Variants in PDE4D observed in about 807,000 individuals in gnomAD.
The protein encoded by PDE4D is phosphodiesterase 4D.
A neutral mutation model predicts 87.4 loss-of-function variants in PDE4D; 24 were observed. That is an observed-to-expected ratio of 0.27 (90% confidence interval 0.20 to 0.39). The LOEUF (loss-of-function observed/expected upper bound fraction) is 0.39. PDE4D is among the 10% of genes least tolerant of loss of function. PDE4D has a pLI of 1.00. For synonymous variants in PDE4D, 384 were observed against 383.2 expected, an observed-to-expected ratio of 1.00 and a Z score of -0.02; for missense variants, 714 against 1,041.0, an observed-to-expected ratio of 0.69 and a Z score of 4.32.
chr5:60,094,679 G>T (rs1443365010), intron 2 of PDE4D, among the ~76,000 whole-genome samples: 1 of 146,808 alleles, frequency 6.8e-6, no homozygotes, highest in Admixed American at 7.1e-5. Context: ...GAGACATACA[G>T]GGAAGGAAGT....
chr5:59,097,277 G>C (rs538235753), intron 5 of PDE4D, among the ~76,000 whole-genome samples: 3 of 152,276 alleles, frequency 2.0e-5, no homozygotes, highest in African/African-American at 7.2e-5. Flanking sequence ...ATTTTGACTG[G>C]TAATACATCA....
intron 1 of PDE4D, chr5:59,558,779 A>G (rs1174095719): frequency 1.3e-5 from 2 of 152,206 alleles, no homozygotes; most frequent in Non-Finnish European, 2.9e-5. Flanking sequence ...TGAAGCAGTC[A>G]TGCTAGGGTA....
intron 2 of PDE4D, among the ~76,000 whole-genome samples, chr5:59,194,807 A>C (rs1745094468): frequency 6.6e-6 from 1 of 152,186 alleles, no homozygotes; most frequent in Admixed American, 6.5e-5. Flanking sequence ...TAAGGTCTAA[A>C]AACTAATAAG....
At chr5:59,983,573 A>C (rs920583041) in intron 3 of PDE4D, among the ~76,000 whole-genome samples, 1 of 152,216 alleles carries the variant, frequency 6.6e-6, no homozygotes, top group African/African-American at 2.4e-5. Context: ...CACAAAGAAG[A>C]TATCCAAATG....
At chr5:60,342,894 T>C (rs554002950) in intron 1 of PDE4D, among the ~76,000 whole-genome samples, 169 of 152,300 alleles carry the variant, frequency 1.1e-3, no homozygotes, top group African/African-American at 3.9e-3. Context: ...TAATTTTATG[T>C]CTATGCTTCA....
chr5:60,301,687 A>G (rs907187155), intron 1 of PDE4D, among the ~76,000 whole-genome samples: 1 of 152,142 alleles, frequency 6.6e-6, no homozygotes, highest in Non-Finnish European at 1.5e-5. Flanking sequence ...CTATTTGAAT[A>G]CCCTTTATTT....
At chr5:59,169,703 C>T (rs531744090) in intron 5 of PDE4D, among the ~76,000 whole-genome samples, 1 of 152,178 alleles carries the variant, frequency 6.6e-6, no homozygotes, top group Non-Finnish European at 1.5e-5. Flanking sequence ...TATTTTCCAA[C>T]AAGCTATCAT....
At chr5:60,143,558 C>T (rs967966907) in intron 2 of PDE4D, among the ~76,000 whole-genome samples, 1 of 149,606 alleles carries the variant, frequency 6.7e-6, no homozygotes, top group South Asian at 2.1e-4. Context: ...TTGCCTGAGT[C>T]CTAACCTGAG....
chr5:59,781,867 C>T (rs1253311808), intron 1 of PDE4D, among the ~76,000 whole-genome samples: 1 of 147,564 alleles, frequency 6.8e-6, no homozygotes, highest in African/African-American at 2.5e-5. Flanking sequence ...TGTATAAATA[C>T]CTGGACTAAA....
chr5:59,535,281 G>A (rs984871097), intron 1 of PDE4D, among the ~76,000 whole-genome samples: 2 of 152,122 alleles, frequency 1.3e-5, no homozygotes, highest in African/African-American at 2.4e-5. Context: ...CCTGGGTCCT[G>A]TCCCCAGAAA....
At chr5:59,355,958 T>C (rs1781311326) in intron 1 of PDE4D, among the ~76,000 whole-genome samples, 2 of 152,218 alleles carry the variant, frequency 1.3e-5, no homozygotes, top group South Asian at 4.1e-4. Context: ...AAAGACCTTA[T>C]ATCCAAAATT....
intron 1 of PDE4D, among the ~76,000 whole-genome samples, chr5:59,892,926 A>C (rs1308839623): frequency 6.6e-6 from 1 of 151,810 alleles, no homozygotes; most frequent in Non-Finnish European, 1.5e-5. Flanking sequence ...ACACACACAC[A>C]CACACACACA....
intron 5 of PDE4D, among the ~76,000 whole-genome samples, chr5:59,076,584 T>C (rs373927075): frequency 4.5e-4 from 69 of 152,176 alleles, no homozygotes; most frequent in African/African-American, 1.6e-3. Context: ...GTGATAAATA[T>C]GATTATTACT....
intron 1 of PDE4D, among the ~76,000 whole-genome samples, chr5:59,576,498 ATTT>A (rs1207630579): frequency 6.6e-6 from 1 of 152,152 alleles, no homozygotes; most frequent in Non-Finnish European, 1.5e-5. Flanking sequence ...TGACAATATA[ATTT>A]TTATTTATCA....
At chr5:60,467,050 T>C (rs1297443951) in intron 1 of PDE4D, among the ~76,000 whole-genome samples, 6 of 151,992 alleles carry the variant, frequency 3.9e-5, no homozygotes, top group Admixed American at 3.9e-4. Flanking sequence ...TTTATTTTAT[T>C]TATTTTTGAG....
chr5:59,728,078 A>C (rs1756863903), intron 1 of PDE4D, among the ~76,000 whole-genome samples: 1 of 152,162 alleles, frequency 6.6e-6, no homozygotes, highest in Admixed American at 6.6e-5. Context: ...CCAGTTTTGT[A>C]GGTCTTATTT....
At chr5:59,702,418 G>A (rs539699544) in intron 1 of PDE4D, among the ~76,000 whole-genome samples, 11 of 152,042 alleles carry the variant, frequency 7.2e-5, no homozygotes, top group South Asian at 2.1e-4. Flanking sequence ...GAGCCACTGC[G>A]CCTGGCCAAT....
intron 1 of PDE4D, among the ~76,000 whole-genome samples, chr5:59,611,681 G>C (rs992159471): frequency 2.6e-4 from 40 of 152,100 alleles, no homozygotes; most frequent in Non-Finnish European, 4.4e-4. Flanking sequence ...AATCAGGATA[G>C]ACACAAGAAC....
chr5:59,372,807 A>C (rs1784137669), intron 1 of PDE4D, among the ~76,000 whole-genome samples: 1 of 152,162 alleles, frequency 6.6e-6, no homozygotes, highest in Non-Finnish European at 1.5e-5. Flanking sequence ...GTCCCATCTC[A>C]GCACCCCTAG....
Sources: allele counts gnomAD v4.1 joint callset (sites outside exome capture counted in the v4.1 genomes callset), GRCh38; gene constraint gnomAD v4.1.1; transcripts MANE v1.5; gene names NCBI Gene and HGNC (gene_info 2026-07-23, HGNC 2026-07-21).